Variants in BAG4 observed in about 807,000 individuals in gnomAD.
The protein encoded by BAG4 is BAG family molecular chaperone regulator 4.
BAG4 carries 28 observed loss-of-function variants against 52.1 expected under a neutral mutation model. The observed-to-expected ratio is 0.54, with a 90% CI of 0.40 to 0.74. The LOEUF (loss-of-function observed/expected upper bound fraction) is 0.74. BAG4 is among the 30% of genes least tolerant of loss of function. The pLI is 0.00. For missense variants in BAG4, 525 were observed against 572.0 expected, an observed-to-expected ratio of 0.92 and a Z score of 0.84; for synonymous variants, 208 against 217.0, an observed-to-expected ratio of 0.96 and a Z score of 0.37.
intron 1 of BAG4, among the ~76,000 whole-genome samples, chr8:38,179,754 G>A (rs554344379): frequency 2.6e-5 from 4 of 151,248 alleles, no homozygotes; most frequent in South Asian, 4.2e-4. Flanking sequence ...AGACAAGAGC[G>A]AAACTCCATC....
At chr8:38,208,327 T>TTTTCAG (rs1413819950) in intron 3 of BAG4, among the ~76,000 whole-genome samples, 1 of 146,990 alleles carries the variant, frequency 6.8e-6, no homozygotes, top group African/African-American at 2.5e-5. Flanking sequence ...TTTTTTTTTT[T>TTTTCAG]GAGACGGAGT....
At chr8:38,201,860 ATATATATATATATATATATATTTTTT>A (rs1803672963) in intron 2 of BAG4, 1 of 9,080 alleles carries the variant, frequency 1.1e-4, no homozygotes, top group African/African-American at 2.9e-4. Flanking sequence ...ATATATATAT[ATATATATATATATATATATATTTTTT>A]TTTTTTTTTT....
chr8:38,206,210 G>T (rs573843208), intron 2 of BAG4, among the ~76,000 whole-genome samples: 1 of 151,264 alleles, frequency 6.6e-6, no homozygotes, highest in East Asian at 2.0e-4. Context: ...GGGGGGTGGA[G>T]GTTGCAGTGA....
chr8:38,200,209 G>A (rs1401586459), intron 2 of BAG4, among the ~76,000 whole-genome samples: 1 of 151,884 alleles, frequency 6.6e-6, no homozygotes, highest in Non-Finnish European at 1.5e-5. Flanking sequence ...GTTTTACCAT[G>A]TTGCACAGGC....
chr8:38,180,522 C>CAAAAAAAAAGAAAAAAAAAAAAAA (rs1803245679), intron 1 of BAG4, among the ~76,000 whole-genome samples: 1 of 26,492 alleles, frequency 3.8e-5, no homozygotes, highest in Non-Finnish European at 7.7e-5. Context: ...GACTCCGTCT[C>CAAAAAAAAAGAAAAAAAAAAAAAA]AAAAAAAAAA....
At chr8:38,189,067 C>T (rs1211383812) in intron 1 of BAG4, among the ~76,000 whole-genome samples, 1 of 151,660 alleles carries the variant, frequency 6.6e-6, no homozygotes, top group Admixed American at 6.6e-5. Flanking sequence ...AAGCAATTCT[C>T]GTGCCTCAGC....
rs1002183351 is a variant in BAG4 at position 38,183,083 on chromosome 8, C to T, written c.270+5944C>T. Among the ~76,000 whole-genome samples the T allele has an allele frequency of 6.9e-5, 9 of 130,208 alleles. 1 individual carries two copies. In the South Asian group the frequency reaches 7.5e-4, roughly 11 times the overall value. The allele number at this position is 130,208 out of a possible 152,430, so 85.4% of individuals were successfully genotyped here. On this transcript the variant is annotated intron_variant, in intron 1 of 4. Transcript: ENST00000287322. Reference sequence around the variant, plus strand: ...TTTTTTAGACAGAGTCTCTCTTTGTCGCCCAGGCTGGAGTGCAGTGGCGAA... The same window carrying T: ...TTTTTTAGACAGAGTCTCTCTTTGTTGCCCAGGCTGGAGTGCAGTGGCGAA...
intron 1 of BAG4, among the ~76,000 whole-genome samples, chr8:38,183,931 G>T (rs1803318513): frequency 6.6e-6 from 1 of 152,170 alleles, no homozygotes; most frequent in Admixed American, 6.5e-5. Context: ...TTAAGAACTT[G>T]ATTGTATTTT....
chr8:38,193,615 G>C (rs1385368629), intron 2 of BAG4, among the ~76,000 whole-genome samples: 2 of 151,688 alleles, frequency 1.3e-5, no homozygotes, highest in Non-Finnish European at 2.9e-5. Flanking sequence ...GCCCAGGCTG[G>C]AGTGCAGTGG....
rs748697660 is a variant in BAG4 at position 38,210,437 on chromosome 8, G to C, written c.1318G>C (p.Glu440Gln). The C allele has an allele frequency of 6.2e-7, 1 of 1,601,612 alleles. No individual in the cohort carries two copies. The highest frequency in any genetic ancestry group is 1.1e-5 in the South Asian group (1 of 88,362). The change falls in exon 5 of 5, where the codon GAG becomes CAG. Residue 440 changes from glutamate (E) to glutamine (Q), a missense_variant. This residue lies in a region of BAG4 where 238 missense variants were observed against 305.8 expected (regional missense o/e 0.78). Coordinates refer to ENST00000287322, the MANE Select transcript of BAG4 (RefSeq NM_004874.4). Reference sequence around the variant, plus strand: ...GGACTCTGTACGGCAGGCCAGAAAAGAGGCTGTTTGTAAGATTCAGGCCAT... The same window carrying C: ...GGACTCTGTACGGCAGGCCAGAAAACAGGCTGTTTGTAAGATTCAGGCCAT... ...GQDSVRQARK[E>Q]AVCKIQAILE...
At chr8:38,207,824 G>C (rs374476576) in intron 3 of BAG4, 58 bp downstream of exon 3, 3 of 1,586,768 alleles carry the variant, frequency 1.9e-6, no homozygotes, top group East Asian at 2.2e-5. Flanking sequence ...CTTGTAAACA[G>C]TGGAAGAGCA....
At chr8:38,199,053 C>T (rs28864534) in intron 2 of BAG4, among the ~76,000 whole-genome samples, 33,362 of 152,098 alleles carry the variant, frequency 0.22, 3,893 homozygotes, top group East Asian at 0.31. Flanking sequence ...TAACAAATGT[C>T]GTATGTAGTA....
chr8:38,207,624 G>A lies in BAG4; in HGVS notation c.491G>A (p.Ser164Asn). ...AYYAPGYTQT[S>N]YSTEVPSTYR... Reference sequence around the variant, plus strand: ...TATGCACCTGGTTATACTCAGACCAGTTACTCCACAGAAGTTCCAAGTACT... The same window carrying A: ...TATGCACCTGGTTATACTCAGACCAATTACTCCACAGAAGTTCCAAGTACT... Residue 164 changes from serine (S) to asparagine (N), a missense_variant, in exon 3 of 5, where the codon AGT becomes AAT. Physicochemically the swap from Ser to Asn is conservative, Grantham distance 46 (BLOSUM62 1). This residue lies in a region of BAG4 where 287 missense variants were observed against 266.1 expected (regional missense o/e 1.08). Coordinates refer to ENST00000287322, the MANE Select transcript of BAG4 (RefSeq NM_004874.4). 6.2e-7 allele frequency: 1 copy of A among 1,614,064 alleles called. No individual in the cohort carries two copies. Among genetic ancestry groups the A allele is most frequent in the Non-Finnish European group, 8.5e-7 (1 of 1,180,014 alleles).
rs539995423 is a variant in BAG4, at chr8:38,183,036, C to CTT, written c.270+5923_270+5924dup. ...AACTGAGCTATACATACTGACCCAT[C>CTT]TTTTTTTTTTTTTTTTTTTTTTTTT... On this transcript the variant is annotated intron_variant, in intron 1 of 4. Transcript: ENST00000287322. Among the ~76,000 whole-genome samples the CTT allele has an allele frequency of 2.8e-3, 278 of 100,098 alleles. 10 individuals are homozygous for CTT. The highest frequency in any genetic ancestry group is 6.1e-3 in the Middle Eastern group (1 of 164). 65.7% of individuals were successfully genotyped at this position (100,098 alleles called of 152,430 possible).
intron 2 of BAG4, 88 bp downstream of exon 2, chr8:38,192,883 A>G (rs1348756221): frequency 3.1e-6 from 3 of 976,632 alleles, no homozygotes; most frequent in Non-Finnish European, 4.5e-6. Context: ...AGCAGTGATG[A>G]GTGTGTGTTT....
At chr8:38,194,660 C>T (rs1334682627) in intron 2 of BAG4, among the ~76,000 whole-genome samples, 1 of 151,352 alleles carries the variant, frequency 6.6e-6, no homozygotes, top group African/African-American at 2.4e-5. Context: ...GTGGTCCGCC[C>T]ACCTTGGCCT....
intron 2 of BAG4, among the ~76,000 whole-genome samples, chr8:38,197,244 TG>T (rs1803577110): frequency 6.6e-6 from 1 of 152,244 alleles, no homozygotes; most frequent in Admixed American, 6.5e-5. Flanking sequence ...GAGGCAATTT[TG>T]TCATTGTGCA....
chr8:38,188,476 C>G (rs939804903), intron 1 of BAG4, among the ~76,000 whole-genome samples: 2 of 151,818 alleles, frequency 1.3e-5, no homozygotes, highest in South Asian at 2.1e-4. Context: ...TTGATCATTA[C>G]ACTTTATATA....
intron 1 of BAG4, among the ~76,000 whole-genome samples, chr8:38,180,231 T>C (rs1314815133): frequency 6.6e-6 from 1 of 152,090 alleles, no homozygotes; most frequent in African/African-American, 2.4e-5. Context: ...ATACCAAAGA[T>C]ATGTATGTTG....
Sources: gnomAD v4.1 joint callset for allele counts (sites outside exome capture counted in the v4.1 genomes callset) on GRCh38, gnomAD v4.1.1 for gene constraint, gnomAD v4.1.1 regional missense constraint, MANE v1.5 for transcripts, NCBI Gene and HGNC (gene_info 2026-07-23, HGNC 2026-07-21) for gene names.